LAMA2: variants seen among roughly 807,000 people sequenced by gnomAD.
LAMA2 encodes laminin subunit alpha-2.
Under a neutral mutation model 364.8 loss-of-function variants are expected in LAMA2, and 269 were observed. That is an observed-to-expected ratio of 0.74 (90% CI 0.67 to 0.82). The LOEUF (loss-of-function observed/expected upper bound fraction) is 0.82, where lower values mean the gene tolerates loss of function less well. Ranked by LOEUF, LAMA2 falls within the 40% of genes least tolerant of loss-of-function variation. LAMA2 has a pLI of 0.00. For synonymous variants in LAMA2, 1,379 were observed against 1,370.6 expected (o/e 1.01, Z -0.14); for missense variants, 3,807 against 3,873.2 (o/e 0.98, Z 0.45).
chr6:129,442,008 G>A (rs560065318), intron 43 of LAMA2, among the ~76,000 whole-genome samples: 1 of 152,122 alleles, frequency 6.6e-6, no homozygotes, highest in East Asian at 1.9e-4. Flanking sequence ...GGTTATCTTG[G>A]TATCCTTGTT....
chr6:129,228,805 G>A (rs1414946046), intron 12 of LAMA2, among the ~76,000 whole-genome samples: 1 of 152,194 alleles, frequency 6.6e-6, no homozygotes, highest in Non-Finnish European at 1.5e-5. Context: ...TCCAGCTGTG[G>A]CTCTAACTGT....
In LAMA2 at chr6:128,972,830, A is replaced by G. The variant is rs186370373; in HGVS notation, c.113-77088A>G. Among the ~76,000 whole-genome samples the G allele has an allele frequency of 1.9e-3, 282 of 152,318 alleles. 8 individuals are homozygous for G. In the South Asian group the frequency reaches 0.055, roughly 30 times the overall value. ...TATTAGTAATAAAATGATTTTAGTA[A>G]TACCTCGGGAACCACTCTAATTCCA... is the stretch of plus-strand genomic sequence containing the variant. On this transcript the variant is annotated intron_variant, in intron 1 of 64. Transcript: ENST00000421865.
At chr6:129,175,519 A>G (rs1381127910) in intron 9 of LAMA2, among the ~76,000 whole-genome samples, 5 of 152,238 alleles carry the variant, frequency 3.3e-5, no homozygotes, top group Non-Finnish European at 5.9e-5. Context: ...ATTGAATTAC[A>G]TAGCTCTCCA....
At chr6:129,067,254 C>CTTGT (rs5879922) in intron 3 of LAMA2, among the ~76,000 whole-genome samples, 144,932 of 152,224 alleles carry the variant, frequency 0.95, 69,073 homozygotes, top group East Asian at 0.97. Context: ...CTGAGTATAC[C>CTTGT]TTAAGTACAA....
chr6:128,898,985 C>G (rs559542162), intron 1 of LAMA2, among the ~76,000 whole-genome samples: 35 of 152,288 alleles, frequency 2.3e-4, no homozygotes, highest in Admixed American at 1.2e-3. Flanking sequence ...CTTACAGAGG[C>G]CTTTCCAGAG....
At chr6:129,175,060 T>C (rs1421109170) in intron 9 of LAMA2, among the ~76,000 whole-genome samples, 1 of 152,262 alleles carries the variant, frequency 6.6e-6, no homozygotes, top group Non-Finnish European at 1.5e-5. Context: ...TTGCAAACTT[T>C]ATTAAAATTA....
chr6:129,151,365 T>C (rs1357900482), intron 7 of LAMA2, among the ~76,000 whole-genome samples: 1 of 152,224 alleles, frequency 6.6e-6, no homozygotes, highest in African/African-American at 2.4e-5. Context: ...TGACTGTTTT[T>C]TGAAATACAC....
chr6:129,243,121 A>G (rs1415030523), intron 12 of LAMA2, among the ~76,000 whole-genome samples: 2 of 152,052 alleles, frequency 1.3e-5, no homozygotes, highest in Non-Finnish European at 2.9e-5. Context: ...AGAACTCCTA[A>G]TTGTCTGGTT....
chr6:129,023,228 T>C (rs530635231), intron 1 of LAMA2, among the ~76,000 whole-genome samples: 1 of 152,300 alleles, frequency 6.6e-6, no homozygotes, highest in African/African-American at 2.4e-5. Flanking sequence ...CTTTGCTGAA[T>C]TCTTTATGGC....
At chr6:128,995,885 T>C (rs1783904805) in intron 1 of LAMA2, among the ~76,000 whole-genome samples, 2 of 152,224 alleles carry the variant, frequency 1.3e-5, no homozygotes, top group South Asian at 2.1e-4. Flanking sequence ...ACTGAACTTT[T>C]TTCTTTAGGA....
At chr6:129,284,568 T>G (rs1788963308) in intron 18 of LAMA2, among the ~76,000 whole-genome samples, 1 of 152,154 alleles carries the variant, frequency 6.6e-6, no homozygotes, top group African/African-American at 2.4e-5. Context: ...TTTGCTTGGC[T>G]AGATTAAGCC....
intron 1 of LAMA2, among the ~76,000 whole-genome samples, chr6:128,895,423 G>A (rs1362360698): frequency 4.1e-5 from 6 of 148,046 alleles, no homozygotes; most frequent in Admixed American, 6.8e-5. Context: ...ACGAGGTCAG[G>A]AGATCGAGAC....
intron 34 of LAMA2, among the ~76,000 whole-genome samples, chr6:129,376,768 G>C (rs1357493147): frequency 6.6e-6 from 1 of 152,052 alleles, no homozygotes; most frequent in Non-Finnish European, 1.5e-5. Context: ...CCATCGCAGG[G>C]GTTCCAAGAT....
chr6:128,969,493 G>A (rs1782057085), intron 1 of LAMA2, among the ~76,000 whole-genome samples: 1 of 152,074 alleles, frequency 6.6e-6, no homozygotes, highest in Non-Finnish European at 1.5e-5. Context: ...GTGTAGTGGT[G>A]TGATCTCAGC....
chr6:129,292,922 A>G (rs1789814471), intron 20 of LAMA2: 1 of 985,840 alleles, frequency 1.0e-6, no homozygotes, highest in African/African-American at 1.7e-5. Flanking sequence ...CAGGCTTCGT[A>G]GGGAAACAGT....
intron 1 of LAMA2, among the ~76,000 whole-genome samples, chr6:129,049,430 C>T (rs1787836142): frequency 1.3e-5 from 2 of 151,954 alleles, no homozygotes; most frequent in South Asian, 4.1e-4. Context: ...CTTCTCTAGT[C>T]TGGGATAAAG....
intron 64 of LAMA2, among the ~76,000 whole-genome samples, chr6:129,515,039 A>C (rs1403438085): frequency 6.6e-6 from 1 of 152,222 alleles, no homozygotes; most frequent in Admixed American, 6.5e-5. Flanking sequence ...GTTATTATAG[A>C]GTTTATATTT....
chr6:128,893,673 A>T (rs558564881), intron 1 of LAMA2, among the ~76,000 whole-genome samples: 5 of 152,096 alleles, frequency 3.3e-5, no homozygotes, highest in African/African-American at 1.2e-4. Context: ...GAAACATTCT[A>T]TGTCAAGATT....
intron 40 of LAMA2, among the ~76,000 whole-genome samples, chr6:129,414,909 C>T (rs1169305090): frequency 6.6e-6 from 1 of 152,180 alleles, no homozygotes; most frequent in Non-Finnish European, 1.5e-5. Flanking sequence ...TCACGTATTT[C>T]ATTAAGTGGG....
Sources: allele counts gnomAD v4.1 joint callset (sites outside exome capture counted in the v4.1 genomes callset), GRCh38; gene constraint gnomAD v4.1.1; transcripts MANE v1.5; gene names NCBI Gene and HGNC (gene_info 2026-07-23, HGNC 2026-07-21).